ASPH: variants seen among roughly 807,000 people sequenced by gnomAD.
The protein encoded by ASPH is aspartyl/asparaginyl beta-hydroxylase.
In ASPH, 100 loss-of-function variants were observed where a neutral mutation model predicts 118.4. The observed-to-expected ratio is 0.84, with a 90% CI of 0.72 to 1.00. The LOEUF (loss-of-function observed/expected upper bound fraction) is 1.00, where lower values mean the gene tolerates loss of function less well. Among genes scored for constraint, ASPH ranks in the 50% least tolerant of loss-of-function variants. The probability of loss-of-function intolerance (pLI) is 0.00; values close to 1 mark genes in which losing one functional copy is unlikely to be tolerated. For missense variants in ASPH, 920 were observed against 919.5 expected, an observed-to-expected ratio of 1.00 and a Z score of -0.01; for synonymous variants, 315 against 325.6, an observed-to-expected ratio of 0.97 and a Z score of 0.35.
chr8:61,713,742 G>A (rs773817489), intron 1 of ASPH, among the ~76,000 whole-genome samples: 1 of 152,164 alleles, frequency 6.6e-6, no homozygotes, highest in Non-Finnish European at 1.5e-5. Context: ...CTACATACAA[G>A]CAAAAATATT....
intron 3 of ASPH, chr8:61,663,552 G>C (rs1817992205): frequency 1.0e-6 from 1 of 985,216 alleles, no homozygotes; most frequent in Admixed American, 6.2e-5. Flanking sequence ...GTCTAGACTT[G>C]GGATCTAGTC....
At position 61,592,108 on chromosome 8, in the gene ASPH, G is replaced by A. The variant is rs117104125; in HGVS notation, c.977-8079C>T. 5.6e-3 allele frequency among the ~76,000 whole-genome samples: 847 copies of A among 152,270 alleles called. 6 individuals are homozygous for A. The highest frequency in any genetic ancestry group is 9.3e-3 in the Non-Finnish European group (636 of 68,024). On this transcript the variant is annotated intron_variant, in intron 14 of 24. Transcript: ENST00000379454. ...TGAGCTTCAGTTCCGCTACTTCTGA[G>A]GCAGCTTGCTTAATTTTGTTGAGCC...
At chr8:61,509,432 T>A (rs1362529538) in intron 24 of ASPH, among the ~76,000 whole-genome samples, 1 of 152,214 alleles carries the variant, frequency 6.6e-6, no homozygotes, top group Admixed American at 6.5e-5. Context: ...TGCCATGGCA[T>A]CTGTAAACTG....
At chr8:61,685,084 G>A (rs1042600105) in intron 1 of ASPH, among the ~76,000 whole-genome samples, 23 of 152,012 alleles carry the variant, frequency 1.5e-4, no homozygotes, top group Admixed American at 1.0e-3. Context: ...AGGTAGAGTC[G>A]CCATCAAAGT....
intron 24 of ASPH, among the ~76,000 whole-genome samples, chr8:61,516,862 G>A (rs1255446452): frequency 6.6e-6 from 1 of 152,200 alleles, no homozygotes; most frequent in African/African-American, 2.4e-5. Context: ...GCAAGGGAGG[G>A]AGAGGAGATC....
rs909276210 is a variant in ASPH at position 61,638,070 on chromosome 8, C to T, written c.833-67G>A. The T allele has an allele frequency of 2.1e-5, 31 of 1,448,862 alleles. 1 individual carries two copies. The highest frequency in any genetic ancestry group is 1.7e-4 in the African/African-American group (12 of 69,946). 89.8% of individuals were successfully genotyped at this position (1,448,862 alleles called of 1,614,324 possible). On this transcript the variant is annotated intron_variant, in intron 11 of 24. Transcript: ENST00000379454. The stretch of plus-strand genomic sequence containing the variant: ...ACCAGTGACACATCTTACATTCACT[C>T]GCCTTCATTCAGATTCCTAAATTAA...
chr8:61,689,890 A>G (rs1832120823), intron 1 of ASPH: 1 of 1,297,294 alleles, frequency 7.7e-7, no homozygotes, highest in African/African-American at 1.5e-5. Flanking sequence ...TTATTTTTAG[A>G]GGCTAAATGC....
intron 14 of ASPH, among the ~76,000 whole-genome samples, chr8:61,608,157 T>C (rs1218473045): frequency 6.6e-6 from 1 of 152,182 alleles, no homozygotes; most frequent in Admixed American, 6.5e-5. Context: ...TTTGAAAATA[T>C]CATTGATAAA....
intron 3 of ASPH, chr8:61,665,275 T>C (rs754277189): frequency 6.2e-7 from 1 of 1,602,354 alleles, no homozygotes; most frequent in East Asian, 2.2e-5. Context: ...TCTGGGTATT[T>C]CCCTTTGTTA....
intron 3 of ASPH, among the ~76,000 whole-genome samples, chr8:61,680,042 T>G (rs1299767842): frequency 2.6e-5 from 4 of 151,612 alleles, no homozygotes; most frequent in Non-Finnish European, 4.4e-5. Context: ...TTTGGAACTT[T>G]ATTTCATAAG....
At chr8:61,580,971 T>C (rs1413534722) in intron 15 of ASPH, among the ~76,000 whole-genome samples, 1 of 152,240 alleles carries the variant, frequency 6.6e-6, no homozygotes, top group Non-Finnish European at 1.5e-5. Context: ...AAATTGCAAC[T>C]GTCAAAGCTA....
At position 61,675,291 on chromosome 8, in the gene ASPH, T is replaced by G. The variant is rs915169919; in HGVS notation, c.322+5677A>C. The stretch of plus-strand genomic sequence containing the variant: ...TGAATAATTTTAATATGTACAACAT[T>G]AAGATACATATTCACATGTTCCCTC... On this transcript the variant is annotated intron_variant, in intron 3 of 24. Transcript: ENST00000379454. The G allele has an allele frequency of 1.1e-5, 10 of 908,564 alleles. No individual in the cohort carries two copies. In the African/African-American group the frequency reaches 1.8e-4, roughly 16 times the overall value. 56.3% of individuals were successfully genotyped at this position (908,564 alleles called of 1,614,324 possible). A position where few individuals can be genotyped will look rare whatever the true frequency, so the allele number is the denominator to read the frequency against.
Position 61,714,405 on chromosome 8 carries a change from G to A in ASPH, c.-34C>T. On this transcript the variant is annotated 5_prime_UTR_variant, in exon 1 of 25. Transcript: ENST00000379454. ...CCGCGGGGGCTGGTGAGGGCTGGCG[G>A]ACCTCCTTCAGTGCGCGGGGGTACA... 7.0e-7 allele frequency: 1 copy of A among 1,437,628 alleles called. No homozygotes were observed. 89.1% of individuals were successfully genotyped at this position (1,437,628 alleles called of 1,614,324 possible). A position where few individuals can be genotyped will look rare whatever the true frequency, so the allele number is the denominator to read the frequency against.
chr8:61,503,402 G>A lies in ASPH; in HGVS notation c.2234C>T (p.Pro745Leu), dbSNP rs568263471. The A allele has an allele frequency of 1.7e-5, 27 of 1,611,958 alleles. No homozygotes were observed. Among genetic ancestry groups the A allele is most frequent in the Non-Finnish European group, 2.0e-5 (24 of 1,179,204 alleles). Reference protein sequence around the residue: ...RLIFIVDVWHPELTPQQRRSL... With the variant: ...RLIFIVDVWHLELTPQQRRSL... ...GCGTCTCTGCTGTGGTGTCAGTTCC[G>A]GATGCCACACATCCACGATGAATAT... The change falls in exon 25 of 25, where the codon CCG becomes CTG. Residue 745 changes from proline to leucine, a missense_variant. Coordinates refer to ENST00000379454, the MANE Select transcript of ASPH (RefSeq NM_004318.4).
chr8:61,636,525 T>C (rs1024163160), intron 12 of ASPH, among the ~76,000 whole-genome samples: 3 of 152,106 alleles, frequency 2.0e-5, no homozygotes, highest in African/African-American at 7.2e-5. Context: ...ACTCAGGCAC[T>C]ACAGGAGCCC....
chr8:61,697,612 T>C (rs1164837488), intron 1 of ASPH, among the ~76,000 whole-genome samples: 3 of 152,196 alleles, frequency 2.0e-5, no homozygotes, highest in Admixed American at 2.0e-4. Flanking sequence ...CCAGTTTGAT[T>C]AATGCGCTAA....
intron 14 of ASPH, among the ~76,000 whole-genome samples, chr8:61,613,010 C>A (rs1297078572): frequency 2.6e-5 from 4 of 152,128 alleles, no homozygotes; most frequent in Non-Finnish European, 5.9e-5. Flanking sequence ...GGGGGTTAGT[C>A]ACATTTTTTT....
chr8:61,679,778 C>T (rs1320046887), intron 3 of ASPH, among the ~76,000 whole-genome samples: 1 of 151,602 alleles, frequency 6.6e-6, no homozygotes, highest in African/African-American at 2.4e-5. Context: ...GTTTCTTTTA[C>T]ATGCCTAAGA....
intron 14 of ASPH, among the ~76,000 whole-genome samples, chr8:61,612,771 TA>T (rs1669888405): frequency 1.3e-5 from 2 of 152,258 alleles, no homozygotes; most frequent in South Asian, 2.1e-4. Context: ...AAAGAAGATT[TA>T]AAAAATGAAG....
Sources: gnomAD v4.1 joint callset for allele counts (sites outside exome capture counted in the v4.1 genomes callset) on GRCh38, gnomAD v4.1.1 for gene constraint, MANE v1.5 for transcripts, NCBI Gene and HGNC (gene_info 2026-07-23, HGNC 2026-07-21) for gene names.